EPB41L2: variants seen among roughly 807,000 people sequenced by gnomAD.
EPB41L2 encodes band 4.1-like protein 2.
A neutral mutation model predicts 113.0 loss-of-function variants in EPB41L2; 43 were observed. The observed-to-expected ratio is 0.38, with a 90% confidence interval of 0.30 to 0.49. The LOEUF (loss-of-function observed/expected upper bound fraction) is 0.49, where lower values mean the gene tolerates loss of function less well. Among genes scored for constraint, EPB41L2 ranks in the 20% least tolerant of loss-of-function variants. The probability of loss-of-function intolerance (pLI) is 0.95; values close to 1 mark genes in which losing one functional copy is unlikely to be tolerated. For synonymous variants in EPB41L2, 442 were observed against 436.7 expected, an observed-to-expected ratio of 1.01 and a Z score of -0.15; for missense variants, 1,147 against 1,223.4, an observed-to-expected ratio of 0.94 and a Z score of 0.93.
At chr6:131,050,292 T>C (rs1451236543) in intron 1 of EPB41L2, among the ~76,000 whole-genome samples, 3 of 152,098 alleles carry the variant, frequency 2.0e-5, no homozygotes, top group Non-Finnish European at 4.4e-5. Flanking sequence ...TGAGCCAAGA[T>C]TGCGCCATTG....
At chr6:131,012,535 G>T (rs1026173857) in intron 1 of EPB41L2, among the ~76,000 whole-genome samples, 4 of 149,502 alleles carry the variant, frequency 2.7e-5, no homozygotes, top group Non-Finnish European at 5.9e-5. Flanking sequence ...ACTATACAAT[G>T]AAGAAGAAAC....
At chr6:130,883,297 G>A in intron 12 of EPB41L2, 1 of 152,434 alleles carries the variant, frequency 6.6e-6, no homozygotes. Context: ...TTACTTTAAA[G>A]GAGGGACCAT....
chr6:131,053,766 T>C (rs1797090939), intron 1 of EPB41L2, among the ~76,000 whole-genome samples: 1 of 152,262 alleles, frequency 6.6e-6, no homozygotes, highest in Non-Finnish European at 1.5e-5. Context: ...TGTTGCTTAC[T>C]CATATAGCCT....
chr6:130,956,466 G>A lies in EPB41L2; in HGVS notation c.20C>T (p.Ser7Phe), dbSNP rs1817469790. The A allele has an allele frequency of 6.2e-7, 1 of 1,613,346 alleles. No homozygotes were observed. Among genetic ancestry groups the A allele is most frequent in the African/African-American group, 1.3e-5 (1 of 74,876 alleles). ...AGAGTCCTTCTTCACTTCAGACACA[G>A]AGCCTACTTCAGTAGTCATGGCCAC... is the stretch of plus-strand genomic sequence containing the variant. MTTEVGSVSEVKKDSSQ... is the reference protein window; with the variant it reads MTTEVGFVSEVKKDSSQ... The change falls in exon 2 of 20, where the codon TCT becomes TTT. Residue 7 changes from serine to phenylalanine, a missense_variant. Physicochemically the swap from Ser to Phe is radical, Grantham distance 155. Coordinates refer to ENST00000337057, the MANE Select transcript of EPB41L2 (RefSeq NM_001431.4).
chr6:130,945,482 G>A (rs1230143211), intron 3 of EPB41L2, among the ~76,000 whole-genome samples: 2 of 152,138 alleles, frequency 1.3e-5, no homozygotes, highest in African/African-American at 4.8e-5. Flanking sequence ...CAGAAACAAT[G>A]CCCTTGATTC....
chr6:130,846,465 A>G (rs557632031), intron 19 of EPB41L2, among the ~76,000 whole-genome samples: 1 of 152,336 alleles, frequency 6.6e-6, no homozygotes, highest in East Asian at 1.9e-4. Flanking sequence ...TGCTATCACT[A>G]AACTACTGCC....
chr6:131,061,650 A>C (rs1414880738), intron 1 of EPB41L2, among the ~76,000 whole-genome samples: 2 of 152,230 alleles, frequency 1.3e-5, no homozygotes, highest in African/African-American at 4.8e-5. Context: ...ACCTGTTCAA[A>C]GCTTGAGAAT....
intron 1 of EPB41L2, among the ~76,000 whole-genome samples, chr6:131,037,376 A>G (rs916032672): frequency 6.6e-6 from 1 of 152,160 alleles, no homozygotes; most frequent in African/African-American, 2.4e-5. Context: ...GGAGTTAGAA[A>G]AGACTTAGAA....
intron 6 of EPB41L2, among the ~76,000 whole-genome samples, chr6:130,903,181 T>G (rs1341165842): frequency 1.3e-5 from 2 of 151,894 alleles, no homozygotes; most frequent in Non-Finnish European, 2.9e-5. Context: ...CCAGGAGGAG[T>G]GTATGTACAG....
rs1278771712 is a variant in EPB41L2, at chr6:130,869,889, G to A, written c.2281C>T (p.Arg761Ter). The change falls in exon 15 of 20, where the codon CGA becomes TGA. Residue 761 changes from arginine to a stop codon, truncating the protein, a stop_gained. Transcript: ENST00000337057. LOFTEE classifies it high-confidence loss of function. ...EDVGEYRPHH[R>*]VTEGTIREEQ... ...TCCCTGATGGTGCCCTCGGTCACTC[G>A]GTGGTGGGGACGGTACTCTCCCACG... 4 of 1,612,742 alleles carry A rather than the reference G, an allele frequency of 2.5e-6. No individual in the cohort carries two copies. Among genetic ancestry groups the A allele is most frequent in the South Asian group, 1.1e-5 (1 of 91,042 alleles).
rs1002517465 is a variant in EPB41L2 at position 130,938,299 on chromosome 6, G to A, written c.706-11590C>T. Among the ~76,000 whole-genome samples the A allele has an allele frequency of 3.0e-4, 45 of 152,188 alleles. 1 individual carries two copies. The highest frequency in any genetic ancestry group is 1.1e-3 in the African/African-American group (45 of 41,442). On this transcript the variant is annotated intron_variant, in intron 3 of 19. Transcript: ENST00000337057. ...AAACATTGATCTACTTGGGGCAACA[G>A]TGTTTCTATTCAATTTGACATTTTT...
chr6:130,875,984 C>CAAA (rs11452626), intron 14 of EPB41L2, among the ~76,000 whole-genome samples: 1 of 128,492 alleles, frequency 7.8e-6, no homozygotes, highest in Non-Finnish European at 1.6e-5. Context: ...GAGTGCATCT[C>CAAA]AAAAAAAAAA....
At chr6:130,903,220 T>C (rs1434235194) in intron 6 of EPB41L2, among the ~76,000 whole-genome samples, 1 of 152,162 alleles carries the variant, frequency 6.6e-6, no homozygotes, top group Non-Finnish European at 1.5e-5. Context: ...CCCAGTTACA[T>C]GCATTGTTCA....
intron 19 of EPB41L2, among the ~76,000 whole-genome samples, chr6:130,856,630 C>T (rs879597369): frequency 1.3e-5 from 2 of 152,204 alleles, no homozygotes; most frequent in Non-Finnish European, 2.9e-5. Flanking sequence ...GGCTGTGCCA[C>T]GCAAGGTAGA....
At chr6:131,058,085 T>A (rs909427530) in intron 1 of EPB41L2, among the ~76,000 whole-genome samples, 23 of 152,256 alleles carry the variant, frequency 1.5e-4, no homozygotes, top group African/African-American at 5.5e-4. Flanking sequence ...TTTGACTTTA[T>A]GGCTCTAATA....
At chr6:130,992,664 C>T (rs1470024497) in intron 1 of EPB41L2, among the ~76,000 whole-genome samples, 1 of 150,774 alleles carries the variant, frequency 6.6e-6, no homozygotes, top group Non-Finnish European at 1.5e-5. Flanking sequence ...CAGAGCCTCG[C>T]TCAGTCGCCA....
chr6:130,935,242 A>C (rs1808391540), intron 3 of EPB41L2, among the ~76,000 whole-genome samples: 1 of 152,216 alleles, frequency 6.6e-6, no homozygotes, highest in African/African-American at 2.4e-5. Flanking sequence ...TTTAAAAGGA[A>C]ATCCTAGTAA....
intron 3 of EPB41L2, among the ~76,000 whole-genome samples, chr6:130,930,384 T>G (rs1303744756): frequency 6.6e-6 from 1 of 152,174 alleles, no homozygotes; most frequent in East Asian, 1.9e-4. Flanking sequence ...ATCCAAAAGT[T>G]TTTTAACGCC....
At chr6:130,863,806 A>G in intron 17 of EPB41L2, 88 bp from the exon 18 acceptor site, 1 of 798,042 alleles carries the variant, frequency 1.3e-6, no homozygotes, top group Non-Finnish European at 2.1e-6. Flanking sequence ...GAGTCCACCT[A>G]GACCTGTGGA....
Sources: allele counts gnomAD v4.1 joint callset (sites outside exome capture counted in the v4.1 genomes callset), GRCh38; gene constraint gnomAD v4.1.1; transcripts MANE v1.5; gene names NCBI Gene and HGNC (gene_info 2026-07-23, HGNC 2026-07-21).